Variants in CCIN observed in about 807,000 individuals in gnomAD.
The protein encoded by CCIN is testis tissue sperm-binding protein Li 65n.
In CCIN, 15 loss-of-function variants were observed where a neutral mutation model predicts 32.2. The observed-to-expected ratio is 0.47, with a 90% CI of 0.31 to 0.72. The LOEUF (loss-of-function observed/expected upper bound fraction) is 0.72, where lower values mean the gene tolerates loss of function less well. Among genes scored for constraint, CCIN ranks in the 30% least tolerant of loss-of-function variants. The pLI, the probability that CCIN is intolerant of heterozygous loss-of-function variation, is 0.05. For synonymous variants in CCIN, 302 were observed against 297.4 expected (o/e 1.02, Z -0.16); for missense variants, 623 against 759.4 (o/e 0.82, Z 2.11).
chr9:36,171,311 GATT>G lies in CCIN; in HGVS notation c.*43_*45del. The G allele has an allele frequency of 6.3e-7, 1 of 1,582,266 alleles. No individual in the cohort carries two copies. Among genetic ancestry groups the G allele is most frequent in the Non-Finnish European group, 8.6e-7 (1 of 1,162,210 alleles). ...AATAAGTAAATGCATTATTATTCACGATTTAATGAGAGAAAGAGAGGAAGATGG... is the reference window on the plus strand; with the variant it reads ...AATAAGTAAATGCATTATTATTCACGTAATGAGAGAAAGAGAGGAAGATGG... On this transcript the variant is annotated 3_prime_UTR_variant, in exon 1 of 1. Transcript: ENST00000335119.
Position 36,170,258 on chromosome 9 carries a change from G to C in CCIN, c.756G>C (p.Leu252=). ...GMENTSSHTT[L]IESVLMDRKQ... ...AGAACACCTCATCCCATACAACCCT[G>C]ATTGAGAGTGTCCTGATGGACCGCA... is the stretch of plus-strand genomic sequence containing the variant. The change falls in exon 1 of 1, where the codon CTG becomes CTC. Residue 252 remains leucine (L), a synonymous_variant. Transcript: ENST00000335119. The C allele has an allele frequency of 6.2e-7, 1 of 1,614,138 alleles. No individual in the cohort carries two copies. Among genetic ancestry groups the C allele is most frequent in the Non-Finnish European group, 8.5e-7 (1 of 1,180,010 alleles).
In CCIN at chr9:36,169,640, G is replaced by A; in HGVS notation, c.138G>A (p.Leu46=). The change falls in exon 1 of 1, where the codon CTG becomes CTA. Residue 46 remains leucine, a synonymous_variant. Coordinates refer to ENST00000335119, the MANE Select transcript of CCIN (RefSeq NM_005893.3). ...NHVFFAHRNV[L]AAVSPLVRSL... ...TCTTCTTTGCACATCGCAATGTGCTGGCTGCTGTCTCCCCACTGGTGAGGA... is the reference window on the plus strand; with the variant it reads ...TCTTCTTTGCACATCGCAATGTGCTAGCTGCTGTCTCCCCACTGGTGAGGA... 1.2e-6 allele frequency: 2 copies of A among 1,614,196 alleles called. No homozygotes were observed. Among genetic ancestry groups the A allele is most frequent in the Non-Finnish European group, 1.7e-6 (2 of 1,180,028 alleles).
Position 36,169,816 on chromosome 9 carries a change from T to C in CCIN, c.314T>C (p.Leu105Pro). 2 of 1,614,168 alleles carry C rather than the reference T, an allele frequency of 1.2e-6. No homozygotes were observed. Among genetic ancestry groups the C allele is most frequent in the Non-Finnish European group, 1.7e-6 (2 of 1,180,046 alleles). Residue 105 changes from leucine (L) to proline (P), a missense_variant, in exon 1 of 1, where the codon CTT becomes CCT. Physicochemically the swap from Leu to Pro is moderately conservative, Grantham distance 98. Coordinates refer to ENST00000335119, the MANE Select transcript of CCIN (RefSeq NM_005893.3). ...VISEQNVEEL[L>P]RGAQYFNTPR... ...TCCGAGCAAAATGTGGAGGAGCTGC[T>C]TCGTGGGGCTCAGTATTTCAACACA...
Position 36,170,691 on chromosome 9 carries a change from G to C in CCIN, c.1189G>C (p.Asp397His), listed in dbSNP as rs369098425. ...RRYVSNIYRY[D>H]ERKEVWCLAG... ...GTATGTCTCCAACATCTATCGCTAT[G>C]ATGAGCGGAAGGAAGTCTGGTGCCT... Residue 397 changes from aspartate to histidine, a missense_variant, in exon 1 of 1, where the codon GAT becomes CAT. Coordinates refer to ENST00000335119, the MANE Select transcript of CCIN (RefSeq NM_005893.3). The C allele has an allele frequency of 1.9e-6, 3 of 1,614,292 alleles. No individual in the cohort carries two copies. The highest frequency in any genetic ancestry group is 2.5e-6 in the Non-Finnish European group (3 of 1,180,052).
In CCIN at chr9:36,170,031, C is replaced by T. The variant is rs915560320; in HGVS notation, c.529C>T (p.Pro177Ser). 1.7e-5 allele frequency: 28 copies of T among 1,613,982 alleles called. No individual in the cohort carries two copies. The highest frequency in any genetic ancestry group is 5.0e-5 in the Admixed American group (3 of 59,994). Residue 177 changes from proline (P) to serine (S), a missense_variant, in exon 1 of 1, where the codon CCT (proline) becomes TCT (serine). Physicochemically the swap from Pro to Ser is moderately conservative, Grantham distance 74. Transcript: ENST00000335119. ...EGSMHFMRCP[P>S]VIFGRLLRDE... ...CTCCATGCACTTCATGCGCTGTCCACCTGTTATCTTTGGCCGCCTGCTCCG... is the reference window on the plus strand; with the variant it reads ...CTCCATGCACTTCATGCGCTGTCCATCTGTTATCTTTGGCCGCCTGCTCCG...
rs774059818 is a variant in CCIN at position 36,170,022 on chromosome 9, C to G, written c.520C>G (p.Arg174Gly). Residue 174 changes from arginine (R) to glycine (G), a missense_variant, in exon 1 of 1, where the codon CGC becomes GGC. By Grantham distance (125) the Arg-to-Gly change is moderately radical. Coordinates refer to ENST00000335119, the MANE Select transcript of CCIN (RefSeq NM_005893.3). Reference sequence around the variant, plus strand: ...TCCTGAGGGCTCCATGCACTTCATGCGCTGTCCACCTGTTATCTTTGGCCG... The same window carrying G: ...TCCTGAGGGCTCCATGCACTTCATGGGCTGTCCACCTGTTATCTTTGGCCG... The part of the protein sequence containing the change: ...ASPEGSMHFM[R>G]CPPVIFGRLL... 6.2e-7 allele frequency: 1 copy of G among 1,613,826 alleles called. No individual in the cohort carries two copies. The highest frequency in any genetic ancestry group is 1.3e-5 in the African/African-American group (1 of 74,922).
At position 36,170,740 on chromosome 9, in the gene CCIN, T is replaced by G. The variant is rs755036855; in HGVS notation, c.1238T>G (p.Met413Arg). The part of the protein sequence containing the change: ...WCLAGKMSIP[M>R]DGTAVITKGD... ...CTGGCAGGAAAGATGAGCATCCCCA[T>G]GGATGGCACCGCCGTGATCACTAAA... is the stretch of plus-strand genomic sequence containing the variant. Residue 413 changes from methionine to arginine, a missense_variant, in exon 1 of 1, where the codon ATG becomes AGG. Transcript: ENST00000335119. 9 of 1,614,132 alleles carry G rather than the reference T, an allele frequency of 5.6e-6. No individual in the cohort carries two copies. In the South Asian group the frequency reaches 9.9e-5, roughly 18 times the overall value.
At position 36,170,106 on chromosome 9, in the gene CCIN, A is replaced by G. The variant is rs369696592; in HGVS notation, c.604A>G (p.Ile202Val). Reference protein sequence around the residue: ...LNEDQALSALINWVYFRKEDR... With the variant: ...LNEDQALSALVNWVYFRKEDR... ...TGAAGACCAGGCGCTCAGCGCACTC[A>G]TCAATTGGGTGTACTTCCGGAAGGA... The change falls in exon 1 of 1, where the codon ATC becomes GTC. Residue 202 changes from isoleucine to valine, a missense_variant. Transcript: ENST00000335119. The G allele has an allele frequency of 1.2e-6, 2 of 1,614,208 alleles. No individual in the cohort carries two copies. The highest frequency in any genetic ancestry group is 2.2e-5 in the East Asian group (1 of 44,882).
chr9:36,170,078 C>CA lies in CCIN; in HGVS notation c.578dup (p.Asn193LysfsTer2). On this transcript the variant is annotated frameshift_variant, in exon 1 of 1. Transcript: ENST00000335119. LOFTEE classifies it high-confidence loss of function. The stretch of plus-strand genomic sequence containing the variant: ...TCCGTGATGAAAACCTTCACGTGCT[C>CA]AATGAAGACCAGGCGCTCAGCGCAC... 1 of 1,614,180 alleles carries CA rather than the reference C, an allele frequency of 6.2e-7. No homozygotes were observed.
chr9:36,170,190 A>G lies in CCIN; in HGVS notation c.688A>G (p.Asn230Asp), dbSNP rs139183105. 5.6e-6 allele frequency: 9 copies of G among 1,614,238 alleles called. No individual in the cohort carries two copies. The African/African-American group carries it at 1.2e-4, about 22-fold the overall frequency. Residue 230 changes from asparagine to aspartate, a missense_variant, in exon 1 of 1, where the codon AAT becomes GAT. Physicochemically the swap from Asn to Asp is conservative, Grantham distance 23 (BLOSUM62 1). Transcript: ENST00000335119. ...TTACATCAATCTCAATGCTGTCTCC[A>G]ATAAGACGCTGGTGTTTGCCAGCAA... ...FNYINLNAVSNKTLVFASNKL... is the reference protein window; with the variant it reads ...FNYINLNAVSDKTLVFASNKL...
Position 36,170,242 on chromosome 9 carries a change from C to T in CCIN, c.740C>T (p.Ser247Leu), listed in dbSNP as rs768360668. The T allele has an allele frequency of 5.0e-6, 8 of 1,614,142 alleles. No homozygotes were observed. The South Asian group carries it at 8.8e-5, about 18-fold the overall frequency. Residue 247 changes from serine to leucine, a missense_variant, in exon 1 of 1, where the codon TCA (serine) becomes TTA (leucine). Ser to Leu is a moderately radical substitution (Grantham distance 145). Transcript: ENST00000335119. The part of the protein sequence containing the change: ...SNKLVGMENT[S>L]SHTTLIESVL... ...AAGCTGGTGGGCATGGAGAACACCT[C>T]ATCCCATACAACCCTGATTGAGAGT...
rs376888107 is a variant in CCIN at position 36,171,291 on chromosome 9, G to A, written c.*22G>A. 8,563 of 1,600,316 alleles carry A rather than the reference G, an allele frequency of 5.4e-3. 28 individuals are homozygous for A. The highest frequency in any genetic ancestry group is 6.7e-3 in the Non-Finnish European group (7,913 of 1,174,464). On this transcript the variant is annotated 3_prime_UTR_variant, in exon 1 of 1. Transcript: ENST00000335119. Reference sequence around the variant, plus strand: ...TTAAACATTTTAAGTGGGAGAATAAGTAAATGCATTATTATTCACGATTTA... The same window carrying A: ...TTAAACATTTTAAGTGGGAGAATAAATAAATGCATTATTATTCACGATTTA...
Position 36,171,313 on chromosome 9 carries a change from T to C in CCIN, c.*44T>C, listed in dbSNP as rs747873387. 5 of 1,586,228 alleles carry C rather than the reference T, an allele frequency of 3.2e-6. No homozygotes were observed. The African/African-American group carries it at 6.8e-5, about 22-fold the overall frequency. ...TAAGTAAATGCATTATTATTCACGA[T>C]TTAATGAGAGAAAGAGAGGAAGATG... On this transcript the variant is annotated 3_prime_UTR_variant, in exon 1 of 1. Coordinates refer to ENST00000335119, the MANE Select transcript of CCIN (RefSeq NM_005893.3).
chr9:36,169,658 G>A lies in CCIN; in HGVS notation c.156G>A (p.Leu52=). 6.2e-7 allele frequency: 1 copy of A among 1,614,194 alleles called. No homozygotes were observed. The highest frequency in any genetic ancestry group is 8.5e-7 in the Non-Finnish European group (1 of 1,180,040). Residue 52 remains leucine (L), a synonymous_variant, in exon 1 of 1, where the codon CTG becomes CTA. Transcript: ENST00000335119. ...ATGTGCTGGCTGCTGTCTCCCCACT[G>A]GTGAGGAGCCTCATCTCCAGCAATG... The part of the protein sequence containing the change: ...HRNVLAAVSP[L]VRSLISSNDM...
In CCIN at chr9:36,169,988, C is replaced by T; in HGVS notation, c.486C>T (p.Tyr162=). ...CTGGCATTCGGGACAACTTCCACTA[C>T]TGGGCCAGTCCTGAGGGCTCCATGC... The part of the protein sequence containing the change: ...AYSGIRDNFH[Y]WASPEGSMHF... Residue 162 remains tyrosine, a synonymous_variant, in exon 1 of 1, where the codon TAC becomes TAT. Transcript: ENST00000335119. 1.9e-6 allele frequency: 3 copies of T among 1,614,060 alleles called. No homozygotes were observed. Among genetic ancestry groups the T allele is most frequent in the East Asian group, 2.2e-5 (1 of 44,872 alleles).
In CCIN at chr9:36,169,580, G is replaced by T. The variant is rs1421112670; in HGVS notation, c.78G>T (p.Glu26Asp). ...TGAACAGACAGAGGAAACGCAAAGA[G>T]TACTGGGACATGGCCCTGAGTGTGG... ...QNLNRQRKRK[E>D]YWDMALSVDN... is the part of the protein sequence containing the mutation. The change falls in exon 1 of 1, where the codon GAG (glutamate) becomes GAT (aspartate). Residue 26 changes from glutamate to aspartate, a missense_variant. By Grantham distance (45) the Glu-to-Asp change is conservative (BLOSUM62 2). Coordinates refer to ENST00000335119, the MANE Select transcript of CCIN (RefSeq NM_005893.3). 6.2e-7 allele frequency: 1 copy of T among 1,614,240 alleles called. No individual in the cohort carries two copies. The highest frequency in any genetic ancestry group is 1.7e-5 in the Admixed American group (1 of 60,030).
Position 36,170,812 on chromosome 9 carries a change from G to A in CCIN, c.1310G>A (p.Gly437Asp). ...GTCACTGGACGGTGCTTGGTGAAAG[G>A]TTATATCTCCCGGGTCGGGGTAGTG... ...YIVTGRCLVK[G>D]YISRVGVVDC... The change falls in exon 1 of 1, where the codon GGT (glycine) becomes GAT (aspartate). Residue 437 changes from glycine (G) to aspartate (D), a missense_variant. Transcript: ENST00000335119. The A allele has an allele frequency of 2.5e-6, 4 of 1,614,262 alleles. No individual in the cohort carries two copies. The highest frequency in any genetic ancestry group is 3.4e-6 in the Non-Finnish European group (4 of 1,180,054).
rs369747102 is a variant in CCIN at position 36,170,882 on chromosome 9, C to T, written c.1380C>T (p.Thr460=). 6.2e-7 allele frequency: 1 copy of T among 1,614,254 alleles called. No individual in the cohort carries two copies. The highest frequency in any genetic ancestry group is 1.1e-5 in the South Asian group (1 of 91,090). Residue 460 remains threonine (T), a synonymous_variant, in exon 1 of 1, where the codon ACC becomes ACT. Coordinates refer to ENST00000335119, the MANE Select transcript of CCIN (RefSeq NM_005893.3). ...TSTGDVVQCI[T]FPIEFNHRPL... ...CTGGGGACGTGGTCCAGTGTATCAC[C>T]TTCCCCATTGAGTTCAACCATCGGC...
rs779223809 is a variant in CCIN, at chr9:36,170,295, C to A, written c.793C>A (p.Pro265Thr). The change falls in exon 1 of 1, where the codon CCA becomes ACA. Residue 265 changes from proline to threonine, a missense_variant. Coordinates refer to ENST00000335119, the MANE Select transcript of CCIN (RefSeq NM_005893.3). Reference sequence around the variant, plus strand: ...CCTGATGGACCGCAAGCAGGAGCGGCCATGCAGCCTGCTGGTCTACCAGCG... The same window carrying A: ...CCTGATGGACCGCAAGCAGGAGCGGACATGCAGCCTGCTGGTCTACCAGCG... ...SVLMDRKQER[P>T]CSLLVYQRKG... The A allele has an allele frequency of 6.2e-7, 1 of 1,614,140 alleles. No individual in the cohort carries two copies. Among genetic ancestry groups the A allele is most frequent in the Non-Finnish European group, 8.5e-7 (1 of 1,180,016 alleles).
Sources: gnomAD v4.1 joint callset for allele counts on GRCh38, gnomAD v4.1.1 for gene constraint, MANE v1.5 for transcripts, NCBI Gene and HGNC (gene_info 2026-07-23, HGNC 2026-07-21) for gene names.